The following EDIL3 variants were observed in gnomAD, a reference collection of about 807,000 sequenced individuals.
The protein encoded by EDIL3 is EGF-like repeat and discoidin I-like domain-containing protein 3.
In EDIL3, 37 loss-of-function variants were observed where a neutral mutation model predicts 67.4. The ratio of observed to expected loss-of-function variants is 0.55; its 90% confidence interval spans 0.42 to 0.72. The LOEUF (loss-of-function observed/expected upper bound fraction) is 0.72, where lower values mean the gene tolerates loss of function less well. EDIL3 is among the 30% of genes least tolerant of loss of function. The pLI is 0.00. For synonymous variants in EDIL3, 195 were observed against 196.3 expected (o/e 0.99, Z 0.05); for missense variants, 527 against 586.3 (o/e 0.90, Z 1.04).
intron 1 of EDIL3, among the ~76,000 whole-genome samples, chr5:84,324,879 A>G (rs979827908): frequency 9.9e-5 from 15 of 151,792 alleles, no homozygotes; most frequent in African/African-American, 3.6e-4. Context: ...ATCTGAATAG[A>G]CCTATAATTG....
intron 2 of EDIL3, among the ~76,000 whole-genome samples, chr5:84,253,585 T>G (rs966934967): frequency 2.0e-5 from 3 of 152,170 alleles, no homozygotes; most frequent in African/African-American, 7.2e-5. Context: ...TTTAGAAAAC[T>G]TTGAAGAGCA....
intron 9 of EDIL3, among the ~76,000 whole-genome samples, chr5:83,983,251 C>T (rs1357833502): frequency 6.6e-6 from 1 of 152,174 alleles, no homozygotes; most frequent in East Asian, 1.9e-4. Context: ...TGCTAGATTT[C>T]GTGCTCCTTG....
intron 10 of EDIL3, among the ~76,000 whole-genome samples, chr5:83,946,626 C>T (rs896121331): frequency 9.9e-5 from 15 of 151,856 alleles, no homozygotes; most frequent in African/African-American, 3.6e-4. Context: ...AGCATTAATA[C>T]ATTTTTTATA....
intron 3 of EDIL3, among the ~76,000 whole-genome samples, chr5:84,228,262 C>A (rs1483048816): frequency 2.0e-5 from 3 of 151,982 alleles, no homozygotes; most frequent in African/African-American, 7.2e-5. Flanking sequence ...GAGATAGCAA[C>A]CTTACTTTTA....
intron 9 of EDIL3, among the ~76,000 whole-genome samples, chr5:83,994,936 G>A (rs762378434): frequency 6.6e-6 from 1 of 151,982 alleles, no homozygotes; most frequent in East Asian, 1.9e-4. Context: ...CAAACAGTAT[G>A]TGAAAAATGC....
chr5:84,054,059 A>G (rs1296566019), intron 9 of EDIL3, among the ~76,000 whole-genome samples: 17 of 152,210 alleles, frequency 1.1e-4, no homozygotes, highest in African/African-American at 1.7e-4. Flanking sequence ...AAAATCCTCA[A>G]TAAAATACTG....
chr5:84,013,548 G>A (rs979143903), intron 9 of EDIL3, among the ~76,000 whole-genome samples: 5 of 152,034 alleles, frequency 3.3e-5, no homozygotes, highest in Admixed American at 1.3e-4. Flanking sequence ...AAGTCATTTC[G>A]GAGAATATGA....
At chr5:84,008,784 T>C (rs1035545871) in intron 9 of EDIL3, among the ~76,000 whole-genome samples, 1 of 151,938 alleles carries the variant, frequency 6.6e-6, no homozygotes, top group Admixed American at 6.6e-5. Flanking sequence ...AGAGAGGGAA[T>C]ATCTTAAGGA....
intron 9 of EDIL3, among the ~76,000 whole-genome samples, chr5:83,965,728 G>A (rs1046417101): frequency 6.6e-6 from 1 of 151,756 alleles, no homozygotes; most frequent in African/African-American, 2.4e-5. Flanking sequence ...CAACAGATAC[G>A]TTTTTCTCCC....
intron 5 of EDIL3, among the ~76,000 whole-genome samples, chr5:84,130,957 A>G (rs987003017): frequency 6.6e-6 from 1 of 151,394 alleles, no homozygotes; most frequent in African/African-American, 2.4e-5. Flanking sequence ...TCTGTAAAAC[A>G]TGGTATGTAG....
chr5:84,084,657 C>T (rs1747037668), intron 6 of EDIL3, among the ~76,000 whole-genome samples: 1 of 151,942 alleles, frequency 6.6e-6, no homozygotes, highest in Non-Finnish European at 1.5e-5. Context: ...TTTTTTTTGC[C>T]TGTCTACAGA....
At chr5:84,278,246 T>C (rs1561243310) in intron 1 of EDIL3, among the ~76,000 whole-genome samples, 1 of 152,182 alleles carries the variant, frequency 6.6e-6, no homozygotes, top group Non-Finnish European at 1.5e-5. Flanking sequence ...CATTACAGAC[T>C]GTCTATTCCT....
At chr5:84,084,347 A>T (rs32601) in intron 6 of EDIL3, among the ~76,000 whole-genome samples, 4,104 of 152,170 alleles carry the variant, frequency 0.027, 81 homozygotes, top group South Asian at 0.071. Context: ...AAATTGAGAG[A>T]ACATCATTCT....
rs73134260 is a variant in EDIL3 at position 84,061,833 on chromosome 5, T to A, written c.953-1349A>T. On this transcript the variant is annotated intron_variant, in intron 8 of 10. Transcript: ENST00000296591. ...CCCCAAATATCAGCATATCAACAAG[T>A]ACTCAATAATATTTAATTATTGGGT... is the stretch of plus-strand genomic sequence containing the variant. Among the ~76,000 whole-genome samples, 160 of 152,256 alleles carry A rather than the reference T, an allele frequency of 1.1e-3. 1 individual carries two copies. Among genetic ancestry groups the A allele is most frequent in the African/African-American group, 3.7e-3 (153 of 41,572 alleles).
At chr5:84,300,325 G>A (rs1333798484) in intron 1 of EDIL3, among the ~76,000 whole-genome samples, 1 of 152,116 alleles carries the variant, frequency 6.6e-6, no homozygotes, top group African/African-American at 2.4e-5. Flanking sequence ...TAAATACCCA[G>A]GTGCTTAGGT....
chr5:84,292,679 T>G (rs1745947888), intron 1 of EDIL3, among the ~76,000 whole-genome samples: 1 of 152,160 alleles, frequency 6.6e-6, no homozygotes, highest in Non-Finnish European at 1.5e-5. Flanking sequence ...GCTATATACT[T>G]TTCTTTATTT....
chr5:84,293,560 G>A (rs761169917), intron 1 of EDIL3, among the ~76,000 whole-genome samples: 2 of 151,946 alleles, frequency 1.3e-5, no homozygotes, highest in African/African-American at 2.4e-5. Flanking sequence ...AGTTCCATCC[G>A]CATGTGTCCC....
At chr5:84,005,420 TC>T (rs1436596003) in intron 9 of EDIL3, among the ~76,000 whole-genome samples, 1 of 151,902 alleles carries the variant, frequency 6.6e-6, no homozygotes, top group Non-Finnish European at 1.5e-5. Flanking sequence ...GATGTGAAAA[TC>T]CTCAACAAAA....
At chr5:84,137,143 A>C in intron 5 of EDIL3, 98 bp downstream of exon 5, 1 of 827,904 alleles carries the variant, frequency 1.2e-6, no homozygotes, top group Non-Finnish European at 1.8e-6. Flanking sequence ...GATGATGTAC[A>C]TAAAAATATA....
Sources: gnomAD v4.1 joint callset for allele counts (sites outside exome capture counted in the v4.1 genomes callset) on GRCh38, gnomAD v4.1.1 for gene constraint, MANE v1.5 for transcripts, NCBI Gene and HGNC (gene_info 2026-07-23, HGNC 2026-07-21) for gene names.